MCCC2: variants seen among roughly 807,000 people sequenced by gnomAD.
MCCC2 encodes methylcrotonoyl-CoA carboxylase beta chain, mitochondrial.
A neutral mutation model predicts 77.2 loss-of-function variants in MCCC2; 52 were observed. The observed-to-expected ratio is 0.67, with a 90% CI of 0.54 to 0.85. MCCC2 has a LOEUF of 0.85. Ranked by LOEUF, MCCC2 falls within the 40% of genes least tolerant of loss-of-function variation. The pLI is 0.00. For synonymous variants in MCCC2, 253 were observed against 248.4 expected (o/e 1.02, Z -0.18); for missense variants, 682 against 703.2 (o/e 0.97, Z 0.34).
Position 71,633,352 on chromosome 5 carries a change from C to T in MCCC2, c.803+1167C>T, listed in dbSNP as rs548499924. Among the ~76,000 whole-genome samples the T allele has an allele frequency of 1.4e-4, 20 of 146,118 alleles. No individual in the cohort carries two copies. In the South Asian group the frequency reaches 1.6e-3, roughly 11 times the overall value. On this transcript the variant is annotated intron_variant, in intron 8 of 16. Transcript: ENST00000340941. ...GGTGTAGATTCTGGAATTTAACTTC[C>T]GTTTGCCTCCCCTATTCCCCTTGGG...
chr5:71,590,109 A>AACAC (rs145490017), intron 1 of MCCC2, among the ~76,000 whole-genome samples: 20 of 151,210 alleles, frequency 1.3e-4, no homozygotes, highest in African/African-American at 4.1e-4. Flanking sequence ...AGGTGATTAA[A>AACAC]ACACACACAC....
At chr5:71,615,160 G>T (rs993329244) in intron 6 of MCCC2, among the ~76,000 whole-genome samples, 1 of 152,186 alleles carries the variant, frequency 6.6e-6, no homozygotes, top group Non-Finnish European at 1.5e-5. Context: ...ATAGAGATGA[G>T]GTTTCCATAT....
chr5:71,613,242 T>C (rs1746030918), intron 6 of MCCC2, among the ~76,000 whole-genome samples: 1 of 152,252 alleles, frequency 6.6e-6, no homozygotes, highest in South Asian at 2.1e-4. Flanking sequence ...TTATCTTTTG[T>C]TGGGGGAGGC....
At chr5:71,592,807 T>C in intron 1 of MCCC2, 119 bp from the exon 2 acceptor site, 1 of 794,318 alleles carries the variant, frequency 1.3e-6, no homozygotes. Flanking sequence ...TGGCCCAGTG[T>C]GGCGGCCACA....
intron 1 of MCCC2, 85 bp downstream of exon 1, chr5:71,587,639 C>A: frequency 6.7e-7 from 1 of 1,485,206 alleles, no homozygotes; most frequent in South Asian, 1.2e-5. Context: ...AACTGCTGCT[C>A]TCTTGTCCGG....
At chr5:71,656,567 C>A (rs1300111089) in intron 16 of MCCC2, among the ~76,000 whole-genome samples, 176 bp from the exon 17 acceptor site, 1 of 152,142 alleles carries the variant, frequency 6.6e-6, no homozygotes, top group Admixed American at 6.5e-5. Flanking sequence ...TTTTTTTCCA[C>A]GTTTTCCCCC....
chr5:71,620,819 A>C (rs933233475), intron 6 of MCCC2, among the ~76,000 whole-genome samples: 5 of 152,118 alleles, frequency 3.3e-5, no homozygotes, highest in African/African-American at 1.2e-4. Flanking sequence ...TCCTTCTTGC[A>C]CGTTCTTACT....
At chr5:71,636,160 G>C in intron 10 of MCCC2, 2 of 394,600 alleles carry the variant, frequency 5.1e-6, no homozygotes, top group Non-Finnish European at 1.0e-5. Context: ...ATAGTACTTG[G>C]CAACATGGTA....
chr5:71,643,741 G>A (rs190925152), intron 11 of MCCC2, 78 bp from the exon 12 acceptor site: 2 of 1,612,626 alleles, frequency 1.2e-6, no homozygotes, highest in East Asian at 4.5e-5. Flanking sequence ...TAAAGAATGT[G>A]TAAATATGCC....
intron 11 of MCCC2, among the ~76,000 whole-genome samples, chr5:71,642,538 C>T (rs560492140): frequency 2.0e-5 from 3 of 152,352 alleles, no homozygotes; most frequent in African/African-American, 7.2e-5. Context: ...CGCATCCTGT[C>T]TGTGCCTGGA....
chr5:71,652,078 G>A (rs1218422125), intron 15 of MCCC2, among the ~76,000 whole-genome samples: 1 of 152,128 alleles, frequency 6.6e-6, no homozygotes, highest in Non-Finnish European at 1.5e-5. Context: ...TGAGTTGAAA[G>A]TATTTTTCAG....
chr5:71,635,567 A>C, intron 10 of MCCC2: 1 of 377,114 alleles, frequency 2.7e-6, no homozygotes, highest in East Asian at 6.6e-5. Flanking sequence ...ATTGTCAGCT[A>C]TTTCTTTTCA....
At chr5:71,623,965 T>C (rs1422462982) in intron 6 of MCCC2, among the ~76,000 whole-genome samples, 1 of 152,214 alleles carries the variant, frequency 6.6e-6, no homozygotes, top group Non-Finnish European at 1.5e-5. Context: ...TCTTAGTCAT[T>C]TCCAGCTGCT....
In MCCC2 at chr5:71,604,341, A is replaced by T; in HGVS notation, c.512-15A>T. On this transcript the variant is annotated splice_polypyrimidine_tract_variant and intron_variant, in intron 5 of 16. Coordinates refer to ENST00000340941, the MANE Select transcript of MCCC2 (RefSeq NM_022132.5). ...GTTCATAGAGATGCTTATGTTTCTCATTTCTTGTCTTCAGTTGATTCGGGA... is the reference window on the plus strand; with the variant it reads ...GTTCATAGAGATGCTTATGTTTCTCTTTTCTTGTCTTCAGTTGATTCGGGA... 6.2e-7 allele frequency: 1 copy of T among 1,607,468 alleles called. No homozygotes were observed. Among genetic ancestry groups the T allele is most frequent in the East Asian group, 2.2e-5 (1 of 44,832 alleles).
chr5:71,621,601 G>A (rs1746350412), intron 6 of MCCC2, among the ~76,000 whole-genome samples: 1 of 152,084 alleles, frequency 6.6e-6, no homozygotes, highest in Non-Finnish European at 1.5e-5. Flanking sequence ...AAAGAGAGAA[G>A]AGATTGTATG....
chr5:71,641,584 A>G (rs1747124261), intron 11 of MCCC2, among the ~76,000 whole-genome samples: 1 of 152,350 alleles, frequency 6.6e-6, no homozygotes, highest in African/African-American at 2.4e-5. Flanking sequence ...ATATCACGTC[A>G]GGAAAAACAA....
At chr5:71,589,094 G>GTTGTA (rs1396502226) in intron 1 of MCCC2, among the ~76,000 whole-genome samples, 4 of 152,136 alleles carry the variant, frequency 2.6e-5, no homozygotes, top group African/African-American at 4.8e-5. Flanking sequence ...CAAAGTTAGA[G>GTTGTA]TTGTATGTAG....
intron 11 of MCCC2, among the ~76,000 whole-genome samples, chr5:71,642,416 G>A (rs1318926098): frequency 2.0e-5 from 3 of 152,190 alleles, no homozygotes; most frequent in East Asian, 1.9e-4. Flanking sequence ...GCCTCTAGTC[G>A]TTTCTTGGAC....
chr5:71,635,325 T>G (rs1746879552), intron 10 of MCCC2, 79 bp downstream of exon 10: 1 of 1,284,074 alleles, frequency 7.8e-7, no homozygotes, highest in Non-Finnish European at 1.1e-6. Context: ...AAGCTAAAGT[T>G]TGTTAAGATA....
Sources: gnomAD v4.1 joint callset for allele counts (sites outside exome capture counted in the v4.1 genomes callset) on GRCh38, gnomAD v4.1.1 for gene constraint, MANE v1.5 for transcripts, NCBI Gene and HGNC (gene_info 2026-07-23, HGNC 2026-07-21) for gene names.